The following ITGA11 variants were observed in gnomAD, a reference collection of about 807,000 sequenced individuals.
ITGA11 encodes integrin subunit alpha 11.
A neutral mutation model predicts 141.9 loss-of-function variants in ITGA11; 97 were observed. That is an observed-to-expected ratio of 0.68 (90% CI 0.58 to 0.81). The LOEUF (loss-of-function observed/expected upper bound fraction) is 0.81. Ranked by LOEUF, ITGA11 falls within the 30% of genes least tolerant of loss-of-function variation. The pLI is 0.00. For missense variants in ITGA11, 1,387 were observed against 1,559.2 expected, an observed-to-expected ratio of 0.89 and a Z score of 1.86; for synonymous variants, 658 against 624.6, an observed-to-expected ratio of 1.05 and a Z score of -0.80.
chr15:68,386,382 A>G (rs1895985614), intron 2 of ITGA11, among the ~76,000 whole-genome samples: 1 of 152,098 alleles, frequency 6.6e-6, no homozygotes, highest in African/African-American at 2.4e-5. Flanking sequence ...AGGACACCCA[A>G]TTCCACAGCC....
In ITGA11 at chr15:68,328,385, GGAGGATGGAGGGGGCGAGGT is replaced by G; in HGVS notation, c.1902-143_1902-124del. On this transcript the variant is annotated intron_variant, in intron 15 of 29. Coordinates refer to ENST00000315757, the MANE Select transcript of ITGA11 (RefSeq NM_001004439.2). This position sits in a 1 kb window ranked among gnomAD's most constrained non-coding sequence, Gnocchi z 4.8. ...GCAAAGCCACTGGAGGGGGTGAGGT[GGAGGATGGAGGGGGCGAGGT>G]GGAGGATGGAGGGGGCTTCGGATGT... 1 of 747,800 alleles carries G rather than the reference GGAGGATGGAGGGGGCGAGGT, an allele frequency of 1.3e-6. No homozygotes were observed. Among genetic ancestry groups the G allele is most frequent in the Non-Finnish European group, 2.2e-6 (1 of 464,030 alleles). The allele number at this position is 747,800 out of a possible 1,614,324, so 46.3% of individuals were successfully genotyped here.
intron 15 of ITGA11, among the ~76,000 whole-genome samples, chr15:68,330,522 C>T (rs8042664): frequency 0.83 from 125,267 of 150,642 alleles, 52,166 homozygotes; most frequent in South Asian, 0.91. Context: ...AGCAAACATA[C>T]GGTAAAATAA....
intron 1 of ITGA11, among the ~76,000 whole-genome samples, chr15:68,420,740 G>C (rs574595573): frequency 3.3e-5 from 5 of 152,218 alleles, no homozygotes; most frequent in Non-Finnish European, 7.3e-5. Context: ...GCCAAGCACT[G>C]TTCTGGGCCC....
chr15:68,364,667 CTGCCTCTCCTGA>C, intron 4 of ITGA11, 28 bp downstream of exon 4: 1 of 1,428,154 alleles, frequency 7.0e-7, no homozygotes, highest in South Asian at 1.2e-5. Context: ...ACCCCCACCC[CTGCCTCTCCTGA>C]CCCCAAGCAG....
At chr15:68,367,814 G>A (rs1327479441) in intron 3 of ITGA11, among the ~76,000 whole-genome samples, 1 of 152,214 alleles carries the variant, frequency 6.6e-6, no homozygotes, top group Non-Finnish European at 1.5e-5. Flanking sequence ...GGCTCAGAGA[G>A]AGGATGTGAA....
At chr15:68,384,816 A>G (rs1165872574) in intron 2 of ITGA11, among the ~76,000 whole-genome samples, 1 of 152,252 alleles carries the variant, frequency 6.6e-6, no homozygotes, top group Non-Finnish European at 1.5e-5. Context: ...GGCCCAGGCC[A>G]GGAAAAGAGC....
chr15:68,395,976 T>C (rs1896229021), intron 2 of ITGA11, among the ~76,000 whole-genome samples: 2 of 151,780 alleles, frequency 1.3e-5, no homozygotes, highest in Non-Finnish European at 2.9e-5. Context: ...AAAGAAGCAA[T>C]AATACAGATC....
intron 5 of ITGA11, 42 bp from the exon 6 acceptor site, chr15:68,358,627 G>A: frequency 6.4e-7 from 1 of 1,573,536 alleles, no homozygotes. Flanking sequence ...AAGGAGCAGT[G>A]TCTGCGAGTC....
intron 19 of ITGA11, among the ~76,000 whole-genome samples, chr15:68,320,993 G>A (rs1253573631): frequency 4.0e-5 from 6 of 151,714 alleles, no homozygotes; most frequent in Admixed American, 3.3e-4. Context: ...GCTCACCCTC[G>A]GCTGGTGTCC....
At chr15:68,388,397 C>G (rs991129027) in intron 2 of ITGA11, among the ~76,000 whole-genome samples, 9 of 152,060 alleles carry the variant, frequency 5.9e-5, no homozygotes, top group Non-Finnish European at 1.0e-4. Flanking sequence ...CCTGTCATGG[C>G]GGCATCCTAG....
chr15:68,400,861 A>ATAT (rs71145167), intron 2 of ITGA11, among the ~76,000 whole-genome samples: 82 of 5,426 alleles, frequency 0.015, 19 homozygotes, highest in South Asian at 0.064. Flanking sequence ...TATATAATAA[A>ATAT]TATAATATTA....
Position 68,310,089 on chromosome 15 carries a change from AAAAT to A in ITGA11, c.3174+901_3174+904del, listed in dbSNP as rs564843631. ...ATGATCATATTTAACAATCAAAATA[AAAAT>A]AAATTCCTTTAAGTAATCATGATTA... On this transcript the variant is annotated intron_variant, in intron 26 of 29. Transcript: ENST00000315757. Among the ~76,000 whole-genome samples the A allele has an allele frequency of 1.8e-3, 269 of 152,384 alleles. 4 individuals are homozygous for A. The highest frequency in any genetic ancestry group is 6.2e-3 in the African/African-American group (257 of 41,590).
chr15:68,394,358 T>C (rs1330655152), intron 2 of ITGA11, among the ~76,000 whole-genome samples: 1 of 152,120 alleles, frequency 6.6e-6, no homozygotes, highest in Non-Finnish European at 1.5e-5. Context: ...CATTTCTAAA[T>C]AACCCACGGT....
At chr15:68,358,435 G>T (rs761155585) in intron 6 of ITGA11, 23 bp downstream of exon 6, 2 of 1,590,952 alleles carry the variant, frequency 1.3e-6, no homozygotes, top group Non-Finnish European at 1.7e-6. Context: ...TTCAGAAGTG[G>T]AAAGAGCCCA....
At chr15:68,347,918 A>G (rs1894788502) in intron 10 of ITGA11, among the ~76,000 whole-genome samples, 2 of 28,330 alleles carry the variant, frequency 7.1e-5, no homozygotes, top group Admixed American at 9.9e-4. Flanking sequence ...GGCAGAACAC[A>G]CATACACACA....
intron 2 of ITGA11, among the ~76,000 whole-genome samples, chr15:68,390,167 C>T (rs1318015939): frequency 6.6e-6 from 1 of 152,180 alleles, no homozygotes; most frequent in African/African-American, 2.4e-5. Context: ...ATGTCTGAAG[C>T]GTTGGTGTAT....
At chr15:68,401,065 A>T (rs1184764350) in intron 2 of ITGA11, among the ~76,000 whole-genome samples, 1 of 146,518 alleles carries the variant, frequency 6.8e-6, no homozygotes, top group Non-Finnish European at 1.5e-5. Context: ...ACAGCATTTC[A>T]CAAAAGGGGA....
At chr15:68,360,670 C>G (rs974438165) in intron 5 of ITGA11, among the ~76,000 whole-genome samples, 1 of 152,196 alleles carries the variant, frequency 6.6e-6, no homozygotes, top group Admixed American at 6.5e-5. Flanking sequence ...GGGACTAGCT[C>G]TAGGGGTGGT....
intron 18 of ITGA11, among the ~76,000 whole-genome samples, chr15:68,323,856 G>A (rs1217167717): frequency 6.6e-6 from 1 of 152,038 alleles, no homozygotes; most frequent in Non-Finnish European, 1.5e-5. Flanking sequence ...TTGATTGTAC[G>A]TCCTCCAAGT....
Sources: gnomAD v4.1 joint callset for allele counts (sites outside exome capture counted in the v4.1 genomes callset) on GRCh38, gnomAD v4.1.1 for gene constraint, Gnocchi (gnomAD v3.1) non-coding constraint, MANE v1.5 for transcripts, NCBI Gene and HGNC (gene_info 2026-07-23, HGNC 2026-07-21) for gene names.